The following REG4 variants were observed in gnomAD, a reference collection of about 807,000 sequenced individuals.
The protein encoded by REG4 is regenerating islet-derived protein 4.
In REG4, 16 loss-of-function variants were observed where a neutral mutation model predicts 22.3. The ratio of observed to expected loss-of-function variants is 0.72; its 90% CI spans 0.49 to 1.09. The LOEUF (loss-of-function observed/expected upper bound fraction) is 1.09. Ranked by LOEUF, REG4 falls within the 50% of genes least tolerant of loss-of-function variation. The pLI is 0.00. For synonymous variants in REG4, 71 were observed against 69.2 expected (o/e 1.03, Z -0.13); for missense variants, 214 against 193.9 (o/e 1.10, Z -0.61).
intron 1 of REG4, among the ~76,000 whole-genome samples, chr1:119,810,805 C>G (rs1272939838): frequency 1.3e-5 from 2 of 152,144 alleles, no homozygotes; most frequent in Non-Finnish European, 2.9e-5. Flanking sequence ...GAAATCCCAG[C>G]ACTTTGAGAG....
At chr1:119,810,842 C>T (rs1422269526) in intron 1 of REG4, among the ~76,000 whole-genome samples, 1 of 152,064 alleles carries the variant, frequency 6.6e-6, no homozygotes, top group Non-Finnish European at 1.5e-5. Flanking sequence ...CACCTGAGGT[C>T]AGGAGTTCAA....
At position 119,809,884 on chromosome 1, in the gene REG4, C is replaced by A. The variant is rs587602192; in HGVS notation, c.-94-1021G>T. On this transcript the variant is annotated intron_variant, in intron 1 of 5. Coordinates refer to ENST00000256585, the MANE Select transcript of REG4 (RefSeq NM_032044.4). ...TAATTTTGGTATATTAAAGAAGAAC[C>A]TTAGTGTTTTAAAATATTTTATAAT... is the stretch of plus-strand genomic sequence containing the variant. Among the ~76,000 whole-genome samples the A allele has an allele frequency of 3.7e-3, 557 of 152,190 alleles. 3 individuals are homozygous for A. The highest frequency in any genetic ancestry group is 0.015 in the South Asian group (71 of 4,818).
intron 5 of REG4, among the ~76,000 whole-genome samples, chr1:119,795,759 G>C (rs1417823905): frequency 6.6e-6 from 1 of 152,222 alleles, no homozygotes; most frequent in Non-Finnish European, 1.5e-5. Context: ...CATCCATAGT[G>C]CTCAGCGCAG....
chr1:119,802,556 C>T, intron 3 of REG4: 1 of 1,146,478 alleles, frequency 8.7e-7, no homozygotes, highest in Non-Finnish European at 1.1e-6. Flanking sequence ...GGTTATCTCT[C>T]AGACAAAGCT....
At chr1:119,801,955 G>A (rs1654117330) in intron 3 of REG4, 1 of 152,192 alleles carries the variant, frequency 6.6e-6, no homozygotes, top group African/African-American at 2.4e-5. Flanking sequence ...CCACTTTCCA[G>A]TAGGGAAACA....
At chr1:119,804,802 T>C (rs1336754437) in intron 2 of REG4, among the ~76,000 whole-genome samples, 1 of 152,208 alleles carries the variant, frequency 6.6e-6, no homozygotes. Context: ...TGTCCCTCCT[T>C]GTCTGTGACT....
rs141544147 is a variant in REG4 at position 119,796,641 on chromosome 1, C to T, written c.409+1856G>A. Among the ~76,000 whole-genome samples the T allele has an allele frequency of 3.9e-5, 6 of 152,298 alleles. No individual in the cohort carries two copies. In the East Asian group the frequency reaches 9.6e-4, roughly 24 times the overall value. On this transcript the variant is annotated intron_variant, in intron 5 of 5. Transcript: ENST00000256585. Reference sequence around the variant, plus strand: ...GAGGGGGATGGGCTTTTAAATTCTACCTTCCACCAGTTTCTCTCAAATCCT... The same window carrying T: ...GAGGGGGATGGGCTTTTAAATTCTATCTTCCACCAGTTTCTCTCAAATCCT...
chr1:119,809,036 A>C, intron 1 of REG4, 173 bp from the exon 2 acceptor site: 1 of 370,222 alleles, frequency 2.7e-6, no homozygotes, highest in Non-Finnish European at 4.9e-6. Flanking sequence ...TACCTGCAAG[A>C]CCTCCTGGGC....
intron 2 of REG4, among the ~76,000 whole-genome samples, chr1:119,805,912 T>C (rs1435650179): frequency 4.6e-5 from 7 of 152,074 alleles, no homozygotes; most frequent in Non-Finnish European, 1.0e-4. Flanking sequence ...CTCCTAGATA[T>C]GCAACCAACG....
chr1:119,807,011 C>G (rs2101075131), intron 2 of REG4, among the ~76,000 whole-genome samples: 1 of 152,270 alleles, frequency 6.6e-6, no homozygotes, highest in South Asian at 2.1e-4. Context: ...AAACCTGAAG[C>G]TATTAAAACC....
chr1:119,800,255 G>C (rs1392122043), intron 3 of REG4, among the ~76,000 whole-genome samples: 13 of 152,196 alleles, frequency 8.5e-5, no homozygotes. Context: ...CATTTCAACA[G>C]ATCTAAGAAA....
chr1:119,794,750 G>A, intron 5 of REG4, 65 bp from the exon 6 acceptor site: 2 of 1,446,206 alleles, frequency 1.4e-6, no homozygotes, highest in Non-Finnish European at 1.9e-6. Flanking sequence ...AGAGTTATCT[G>A]GGTGTTTTTC....
chr1:119,796,017 G>A (rs138277940), intron 5 of REG4, among the ~76,000 whole-genome samples: 6 of 152,324 alleles, frequency 3.9e-5, no homozygotes, highest in Non-Finnish European at 8.8e-5. Context: ...CATCAGAGGC[G>A]GAGTGCAGGG....
At chr1:119,805,480 C>A (rs142751396) in intron 2 of REG4, among the ~76,000 whole-genome samples, 93 of 152,270 alleles carry the variant, frequency 6.1e-4, no homozygotes, top group Middle Eastern at 3.4e-3. Flanking sequence ...AGACCCTCTA[C>A]CACCACGGTC....
At chr1:119,804,368 C>T (rs1654224760) in intron 2 of REG4, among the ~76,000 whole-genome samples, 1 of 152,206 alleles carries the variant, frequency 6.6e-6, no homozygotes, top group African/African-American at 2.4e-5. Context: ...ATTTTATAAC[C>T]TGGTTGTATG....
At chr1:119,803,260 A>G in intron 2 of REG4, 95 bp from the exon 3 acceptor site, 1 of 1,305,740 alleles carries the variant, frequency 7.7e-7, no homozygotes, top group Non-Finnish European at 1.0e-6. Context: ...CCTTGAATGA[A>G]GAGAGTCCCT....
In REG4 at chr1:119,795,760, C is replaced by G. The variant is rs191163711; in HGVS notation, c.410-1075G>C. 4.3e-3 allele frequency among the ~76,000 whole-genome samples: 654 copies of G among 152,284 alleles called. 9 individuals are homozygous for G. Among genetic ancestry groups the G allele is most frequent in the African/African-American group, 0.015 (630 of 41,560 alleles). On this transcript the variant is annotated intron_variant, in intron 5 of 5. Coordinates refer to ENST00000256585, the MANE Select transcript of REG4 (RefSeq NM_032044.4). ...CCTGCCCATGCCTGCATCCATAGTG[C>G]TCAGCGCAGGAGCCACAGAGTATAA...
chr1:119,808,507 A>C (rs994045817), intron 2 of REG4, among the ~76,000 whole-genome samples, 196 bp downstream of exon 2: 8 of 152,248 alleles, frequency 5.3e-5, no homozygotes, highest in Non-Finnish European at 2.9e-5. Context: ...TATGGGTTAT[A>C]ATCATATGGA....
chr1:119,798,367 T>C, intron 5 of REG4, 130 bp downstream of exon 5: 1 of 714,880 alleles, frequency 1.4e-6, no homozygotes, highest in East Asian at 2.5e-5. Context: ...GCCACTGCCT[T>C]GCTGGAGAAA....
Sources: allele counts gnomAD v4.1 joint callset (sites outside exome capture counted in the v4.1 genomes callset), GRCh38; gene constraint gnomAD v4.1.1; transcripts MANE v1.5; gene names NCBI Gene and HGNC (gene_info 2026-07-23, HGNC 2026-07-21).